Variants in EGFR observed in about 807,000 individuals in gnomAD.
The protein encoded by EGFR is epidermal growth factor receptor.
In EGFR, 58 loss-of-function variants were observed where a neutral mutation model predicts 143.0. The ratio of observed to expected loss-of-function variants is 0.41; its 90% confidence interval spans 0.33 to 0.50. The LOEUF (loss-of-function observed/expected upper bound fraction) is 0.50. EGFR is among the 20% of genes least tolerant of loss of function. The pLI is 0.39. For missense variants in EGFR, 1,307 were observed against 1,579.0 expected, an observed-to-expected ratio of 0.83 and a Z score of 2.92; for synonymous variants, 613 against 594.4, an observed-to-expected ratio of 1.03 and a Z score of -0.45.
rs6979621 is a variant in EGFR, at chr7:55,025,652, G to A, written c.88+6287G>A. ...AGTTGTCATTTGCTCACATATTTCC[G>A]TGTCAGTTACTTGTCTTAGATCACA... On this transcript the variant is annotated intron_variant, in intron 1 of 27. Coordinates refer to ENST00000275493, the MANE Select transcript of EGFR (RefSeq NM_005228.5). Among the ~76,000 whole-genome samples the A allele has an allele frequency of 1.5e-3, 228 of 152,278 alleles. 2 individuals carry two copies. The highest frequency in any genetic ancestry group is 5.0e-3 in the African/African-American group (208 of 41,546).
chr7:55,140,289 ATC>A (rs917280326), intron 1 of EGFR, among the ~76,000 whole-genome samples: 31 of 152,256 alleles, frequency 2.0e-4, no homozygotes, highest in African/African-American at 7.0e-4. Flanking sequence ...GCCTGTTTTC[ATC>A]TCTCTGCATC....
intron 12 of EGFR, among the ~76,000 whole-genome samples, chr7:55,160,901 G>A (rs1022633501): frequency 1.3e-5 from 2 of 152,350 alleles, no homozygotes; most frequent in East Asian, 3.9e-4. Flanking sequence ...AGATATGAAT[G>A]ATTCCTACGC....
intron 1 of EGFR, among the ~76,000 whole-genome samples, chr7:55,121,165 T>C (rs891872622): frequency 1.3e-5 from 2 of 152,234 alleles, no homozygotes; most frequent in Non-Finnish European, 2.9e-5. Flanking sequence ...CACACTGTCC[T>C]CTTCAGAAAG....
intron 1 of EGFR, among the ~76,000 whole-genome samples, chr7:55,141,388 T>C (rs17172449): frequency 0.024 from 3,674 of 152,282 alleles, 75 homozygotes; most frequent in South Asian, 0.059. Context: ...TGTCCCTTAA[T>C]TTAAAATTTT....
chr7:55,152,260 G>A, intron 5 of EGFR: 1 of 584,194 alleles, frequency 1.7e-6, no homozygotes, highest in South Asian at 1.5e-5. Context: ...AGGTATTTTT[G>A]TTCTTTGTAT....
chr7:55,104,479 G>A (rs550104989), intron 1 of EGFR, among the ~76,000 whole-genome samples: 4 of 152,166 alleles, frequency 2.6e-5, no homozygotes, highest in African/African-American at 2.4e-5. Context: ...GTTGACTTTC[G>A]TGAGCCTCAT....
In EGFR at chr7:55,175,758, C is replaced by T. The variant is rs146808639; in HGVS notation, c.2283+938C>T. Among the ~76,000 whole-genome samples, 3 of 152,300 alleles carry T rather than the reference C, an allele frequency of 2.0e-5. No individual in the cohort carries two copies. In the East Asian group the frequency reaches 5.8e-4, roughly 29 times the overall value. On this transcript the variant is annotated intron_variant, in intron 19 of 27. Coordinates refer to ENST00000275493, the MANE Select transcript of EGFR (RefSeq NM_005228.5). ...TAATATCCTCCGCCTCATGTCTAAC[C>T]CACAGAATACATAGCAAGTAAAGAG...
chr7:55,163,951 C>A, intron 14 of EGFR, 128 bp downstream of exon 14: 2 of 1,026,022 alleles, frequency 1.9e-6, no homozygotes, highest in Non-Finnish European at 1.5e-6. Flanking sequence ...CCAGAGGAGA[C>A]GGCAGGCGCT....
chr7:55,166,160 A>G (rs1357087374), intron 15 of EGFR: 6 of 462,082 alleles, frequency 1.3e-5, no homozygotes, highest in Non-Finnish European at 1.7e-5. Flanking sequence ...GCAAAAAACA[A>G]AAACAAAAAA....
chr7:55,164,877 G>T (rs1785888643), intron 14 of EGFR, among the ~76,000 whole-genome samples: 1 of 152,134 alleles, frequency 6.6e-6, no homozygotes, highest in Non-Finnish European at 1.5e-5. Flanking sequence ...CACTCATGTG[G>T]GTTTTCTTAA....
intron 1 of EGFR, among the ~76,000 whole-genome samples, chr7:55,117,415 ACATT>A (rs1792927399): frequency 6.6e-6 from 1 of 152,322 alleles, no homozygotes; most frequent in African/African-American, 2.4e-5. Context: ...TGTAACTCCC[ACATT>A]CAATTAGCAT....
intron 2 of EGFR, 87 bp downstream of exon 2, chr7:55,142,524 T>C: frequency 6.5e-7 from 1 of 1,548,464 alleles, no homozygotes; most frequent in Non-Finnish European, 8.8e-7. Context: ...TTGAAGTGTG[T>C]TTATTTTTGC....
At chr7:55,028,466 C>T (rs926790680) in intron 1 of EGFR, among the ~76,000 whole-genome samples, 1 of 152,106 alleles carries the variant, frequency 6.6e-6, no homozygotes, top group African/African-American at 2.4e-5. Flanking sequence ...TCATTGTATA[C>T]CAAATTTTAG....
At chr7:55,114,800 C>T (rs1028788487) in intron 1 of EGFR, among the ~76,000 whole-genome samples, 5 of 151,196 alleles carry the variant, frequency 3.3e-5, no homozygotes, top group Non-Finnish European at 5.9e-5. Context: ...ATATTGTTAC[C>T]GCCTGTATAA....
chr7:55,062,900 G>A (rs545863316), intron 1 of EGFR, among the ~76,000 whole-genome samples: 1 of 151,946 alleles, frequency 6.6e-6, no homozygotes, highest in Non-Finnish European at 1.5e-5. Flanking sequence ...TCTCATGCCA[G>A]GCACTGTGCT....
intron 1 of EGFR, among the ~76,000 whole-genome samples, chr7:55,055,496 T>C (rs1283714038): frequency 2.6e-5 from 4 of 152,224 alleles, no homozygotes; most frequent in Non-Finnish European, 4.4e-5. Flanking sequence ...CATTTTCAAC[T>C]GTGCATTAAC....
intron 1 of EGFR, among the ~76,000 whole-genome samples, chr7:55,061,340 A>AGCTTTTCT (rs1421415768): frequency 6.6e-6 from 1 of 152,192 alleles, no homozygotes; most frequent in African/African-American, 2.4e-5. Context: ...AAATGTGGGT[A>AGCTTTTCT]GCTTTTCTTC....
In EGFR at chr7:55,201,794, C is replaced by A; in HGVS notation, c.3162+12C>A. The A allele has an allele frequency of 1.9e-6, 3 of 1,614,098 alleles. No homozygotes were observed. The highest frequency in any genetic ancestry group is 2.5e-6 in the Non-Finnish European group (3 of 1,179,954). On this transcript the variant is annotated intron_variant, in intron 26 of 27. Transcript: ENST00000275493. ...TTGATAGAAATGGGGTATGTATGAA[C>A]ACCTTATAAGCCAGAATTTACAGCT...
At chr7:55,179,188 TCA>T (rs1187517274) in intron 19 of EGFR, among the ~76,000 whole-genome samples, 1 of 152,208 alleles carries the variant, frequency 6.6e-6, no homozygotes, top group African/African-American at 2.4e-5. Flanking sequence ...ATTTTTAAAA[TCA>T]CACAAATATT....
Sources: allele counts gnomAD v4.1 joint callset (sites outside exome capture counted in the v4.1 genomes callset), GRCh38; gene constraint gnomAD v4.1.1; transcripts MANE v1.5; gene names NCBI Gene and HGNC (gene_info 2026-07-23, HGNC 2026-07-21).